The following FNDC3B variants were observed in gnomAD, a reference collection of about 807,000 sequenced individuals.
FNDC3B encodes fibronectin type III domain containing 3B.
In FNDC3B, 12 loss-of-function variants were observed where a neutral mutation model predicts 151.5. The ratio of observed to expected loss-of-function variants is 0.08; its 90% CI spans 0.05 to 0.13. The LOEUF (loss-of-function observed/expected upper bound fraction) is 0.13, where lower values mean the gene tolerates loss of function less well. Among genes scored for constraint, FNDC3B ranks in the 10% least tolerant of loss-of-function variants. FNDC3B has a pLI of 1.00. For missense variants in FNDC3B, 1,214 were observed against 1,505.3 expected (o/e 0.81, Z 3.20); for synonymous variants, 528 against 549.0 (o/e 0.96, Z 0.54).
chr3:172,309,219 G>T (rs185419958), intron 10 of FNDC3B, among the ~76,000 whole-genome samples: 7 of 152,256 alleles, frequency 4.6e-5, no homozygotes, highest in Admixed American at 2.0e-4. Flanking sequence ...CTCCAGGTGG[G>T]GGCACAAGGA....
intron 3 of FNDC3B, among the ~76,000 whole-genome samples, chr3:172,186,538 C>T (rs141755705): frequency 1.9e-4 from 29 of 152,340 alleles, no homozygotes; most frequent in South Asian, 4.1e-4. Flanking sequence ...AGAAAATACA[C>T]ATGCCATTTC....
chr3:172,349,613 CTG>C (rs1416135677), intron 21 of FNDC3B, among the ~76,000 whole-genome samples: 1 of 151,980 alleles, frequency 6.6e-6, no homozygotes, highest in Non-Finnish European at 1.5e-5. Flanking sequence ...CTGATTAGGT[CTG>C]TATGTTAATA....
chr3:172,358,617 C>T (rs79069997), intron 22 of FNDC3B, among the ~76,000 whole-genome samples: 1,669 of 152,324 alleles, frequency 0.011, 33 homozygotes, highest in African/African-American at 0.038. Context: ...TGTGCCAGCA[C>T]TGTTGGGATG....
intron 14 of FNDC3B, 151 bp downstream of exon 14, chr3:172,333,326 C>CTTTA (rs1289728901): frequency 1.7e-6 from 1 of 605,552 alleles, no homozygotes; most frequent in East Asian, 2.9e-5. Flanking sequence ...GTACAACATG[C>CTTTA]TTTATTTATT....
intron 5 of FNDC3B, among the ~76,000 whole-genome samples, chr3:172,250,349 A>G (rs1298369925): frequency 6.6e-6 from 1 of 152,126 alleles, no homozygotes. Context: ...TTATCCTTAT[A>G]CTTCCTCCTT....
intron 3 of FNDC3B, among the ~76,000 whole-genome samples, chr3:172,212,975 T>G (rs1725806868): frequency 6.6e-6 from 1 of 152,058 alleles, no homozygotes; most frequent in African/African-American, 2.4e-5. Flanking sequence ...TTGAGATTAA[T>G]TGGGTACATG....
intron 24 of FNDC3B, among the ~76,000 whole-genome samples, chr3:172,379,483 G>A (rs146724142): frequency 7.2e-5 from 11 of 152,352 alleles, no homozygotes; most frequent in South Asian, 2.1e-4. Context: ...TGGATTCTAC[G>A]AACCTCATAG....
At chr3:172,111,092 C>T (rs1253037250) in intron 1 of FNDC3B, among the ~76,000 whole-genome samples, 2 of 134,392 alleles carry the variant, frequency 1.5e-5, no homozygotes, top group African/African-American at 3.0e-5. Flanking sequence ...GAGTGAGACT[C>T]CATTAAAAAA....
intron 14 of FNDC3B, 152 bp downstream of exon 14, chr3:172,333,327 T>C: frequency 1.7e-6 from 1 of 586,332 alleles, no homozygotes; most frequent in Non-Finnish European, 3.0e-6. Context: ...TACAACATGC[T>C]TTATTTATTT....
chr3:172,051,855 A>G (rs540806957), intron 1 of FNDC3B, among the ~76,000 whole-genome samples: 53 of 152,334 alleles, frequency 3.5e-4, no homozygotes, highest in Middle Eastern at 6.8e-3. Context: ...CAGAGAATAC[A>G]TGACTTTTTT....
chr3:172,180,396 A>G (rs1723830547), intron 3 of FNDC3B, among the ~76,000 whole-genome samples: 1 of 152,142 alleles, frequency 6.6e-6, no homozygotes, highest in South Asian at 2.1e-4. Flanking sequence ...ATTCTCCTCT[A>G]AGTATGCACT....
chr3:172,199,336 C>A (rs1422228355), intron 3 of FNDC3B, among the ~76,000 whole-genome samples: 4 of 151,678 alleles, frequency 2.6e-5, no homozygotes, highest in Non-Finnish European at 5.9e-5. Context: ...CCCGCCACCT[C>A]GCCTGGCTAA....
intron 3 of FNDC3B, among the ~76,000 whole-genome samples, chr3:172,221,261 A>G (rs1025340613): frequency 6.6e-6 from 1 of 152,094 alleles, no homozygotes; most frequent in African/African-American, 2.4e-5. Flanking sequence ...TCCAATTTGG[A>G]TGCCTTTCTT....
chr3:172,039,654 G>T lies in FNDC3B; in HGVS notation c.-146G>T, dbSNP rs578027224. The T allele has an allele frequency of 1.7e-3, 288 of 164,834 alleles. No homozygotes were observed. The highest frequency in any genetic ancestry group is 3.1e-3 in the Non-Finnish European group (241 of 77,298). The allele number at this position is 164,834 out of a possible 1,614,324, so 10.2% of individuals were successfully genotyped here. On this transcript the variant is annotated 5_prime_UTR_variant, in exon 1 of 26. Coordinates refer to ENST00000415807, the MANE Select transcript of FNDC3B (RefSeq NM_022763.4). Reference sequence around the variant, plus strand: ...CGGCGGCGGCGGCTGGAGGAGGAGAGCGGCGGCGGCGGGAGCAGCGAAGGG... The same window carrying T: ...CGGCGGCGGCGGCTGGAGGAGGAGATCGGCGGCGGCGGGAGCAGCGAAGGG...
At chr3:172,212,484 G>A (rs527481207) in intron 3 of FNDC3B, among the ~76,000 whole-genome samples, 220 of 152,298 alleles carry the variant, frequency 1.4e-3, no homozygotes, top group Middle Eastern at 6.8e-3. Context: ...GCTGCTTGTG[G>A]GGAGAAGCAG....
At chr3:172,075,330 T>A (rs983564675) in intron 1 of FNDC3B, among the ~76,000 whole-genome samples, 2 of 152,190 alleles carry the variant, frequency 1.3e-5, no homozygotes, top group Non-Finnish European at 2.9e-5. Flanking sequence ...GGAGGCATGA[T>A]ATTCTAGTCC....
intron 4 of FNDC3B, among the ~76,000 whole-genome samples, chr3:172,246,548 A>G (rs1670414521): frequency 6.6e-6 from 1 of 152,236 alleles, no homozygotes; most frequent in Non-Finnish European, 1.5e-5. Flanking sequence ...GGCAATAAAT[A>G]TTGGCATTGT....
chr3:172,389,858 G>C (rs907610524), intron 25 of FNDC3B, among the ~76,000 whole-genome samples: 1 of 151,692 alleles, frequency 6.6e-6, no homozygotes, highest in Non-Finnish European at 1.5e-5. Context: ...AGCGAGACTC[G>C]GTCTCAAAAA....
chr3:172,343,445 GA>G (rs1346048224), intron 18 of FNDC3B, among the ~76,000 whole-genome samples: 1 of 152,062 alleles, frequency 6.6e-6, no homozygotes, highest in Non-Finnish European at 1.5e-5. Context: ...TTATTCATGG[GA>G]AAAAAATTTT....
Sources: allele counts gnomAD v4.1 joint callset (sites outside exome capture counted in the v4.1 genomes callset), GRCh38; gene constraint gnomAD v4.1.1; transcripts MANE v1.5; gene names NCBI Gene and HGNC (gene_info 2026-07-23, HGNC 2026-07-21).